The following HCK variants were observed in gnomAD, a reference collection of about 807,000 sequenced individuals.
HCK encodes tyrosine-protein kinase HCK.
HCK carries 40 observed loss-of-function variants against 70.4 expected under a neutral mutation model. The ratio of observed to expected loss-of-function variants is 0.57; its 90% CI spans 0.44 to 0.74. The LOEUF is 0.74. Among genes scored for constraint, HCK ranks in the 30% least tolerant of loss-of-function variants. The pLI is 0.00. For missense variants in HCK, 568 were observed against 697.2 expected (o/e 0.81, Z 2.09); for synonymous variants, 245 against 263.2 (o/e 0.93, Z 0.67).
chr20:32,093,885 T>A lies in HCK; in HGVS notation c.1115T>A (p.Ile372Asn), dbSNP rs1383454556. ...CAGATTGCAGAAGGCATGGCCTTCA[T>A]CGAGCAGAGGAACTACATCCACCGA... is the stretch of plus-strand genomic sequence containing the variant. Residue 372 changes from isoleucine (I) to asparagine (N), a missense_variant, in exon 11 of 13, where the codon ATC becomes AAC. Around this residue, in one of 4 missense-constraint regions of HCK, gnomAD observed 160 missense variants for 237.5 expected, o/e 0.67. Coordinates refer to ENST00000375852, the MANE Select transcript of HCK (RefSeq NM_002110.5). 6.2e-7 allele frequency: 1 copy of A among 1,613,498 alleles called. No individual in the cohort carries two copies. The highest frequency in any genetic ancestry group is 1.1e-5 in the South Asian group (1 of 91,054).
Position 32,079,569 on chromosome 20 carries a change from G to A in HCK, c.429-205G>A, listed in dbSNP as rs573840666. 8.5e-5 allele frequency among the ~76,000 whole-genome samples: 13 copies of A among 152,272 alleles called. 1 individual carries two copies. In the East Asian group the frequency reaches 9.6e-4, roughly 11 times the overall value. On this transcript the variant is annotated intron_variant, in intron 5 of 12. Transcript: ENST00000375852. ...TCTCAGCAAACAGGATTCACTTCGGGTAAAATGTCTATTTTGATATCAAAA... is the reference window on the plus strand; with the variant it reads ...TCTCAGCAAACAGGATTCACTTCGGATAAAATGTCTATTTTGATATCAAAA...
chr20:32,061,676 C>G (rs551394140), intron 1 of HCK, among the ~76,000 whole-genome samples: 14 of 152,114 alleles, frequency 9.2e-5, no homozygotes, highest in Non-Finnish European at 1.5e-4. Flanking sequence ...AGTGATGGAG[C>G]CTTTCTGGGT....
intron 11 of HCK, among the ~76,000 whole-genome samples, chr20:32,096,214 T>C: frequency 6.6e-6 from 1 of 150,458 alleles, no homozygotes; most frequent in East Asian, 2.0e-4. Context: ...AAGAGACGGG[T>C]GCGGCCGGGC....
chr20:32,077,491 TTC>T (rs2045643945), intron 5 of HCK, among the ~76,000 whole-genome samples: 1 of 151,074 alleles, frequency 6.6e-6, no homozygotes, highest in Non-Finnish European at 1.5e-5. Flanking sequence ...CGTTCAGACC[TTC>T]CATGCAGCAC....
At chr20:32,100,038 C>T (rs1274105800) in intron 12 of HCK, among the ~76,000 whole-genome samples, 1 of 151,908 alleles carries the variant, frequency 6.6e-6, no homozygotes, top group Non-Finnish European at 1.5e-5. Context: ...TATCTGGGAC[C>T]ATAGGCACAT....
At chr20:32,092,718 T>C (rs574318857) in intron 10 of HCK, among the ~76,000 whole-genome samples, 20 of 152,186 alleles carry the variant, frequency 1.3e-4, no homozygotes, top group South Asian at 1.0e-3. Context: ...CTCTGTGGCA[T>C]CTTCTGCTGG....
chr20:32,097,829 T>G lies in HCK; in HGVS notation c.1247-1175T>G, dbSNP rs536479719. ...CTCAACAAATTCCAAAGAACATATA[T>G]TCTATAGACCATGTTCACCAACCAT... On this transcript the variant is annotated intron_variant, in intron 11 of 12. Transcript: ENST00000375852. Among the ~76,000 whole-genome samples the G allele has an allele frequency of 3.9e-5, 6 of 152,094 alleles. No individual in the cohort carries two copies. The South Asian group carries it at 1.0e-3, about 26-fold the overall frequency.
In HCK at chr20:32,062,146, G is replaced by A. The variant is rs148834847; in HGVS notation, c.63-9516G>A. Among the ~76,000 whole-genome samples the A allele has an allele frequency of 9.9e-3, 1,510 of 152,074 alleles. 31 individuals are homozygous for A. The highest frequency in any genetic ancestry group is 0.035 in the African/African-American group (1,451 of 41,470). On this transcript the variant is annotated intron_variant, in intron 1 of 12. Coordinates refer to ENST00000375852, the MANE Select transcript of HCK (RefSeq NM_002110.5). The stretch of plus-strand genomic sequence containing the variant: ...GTAGAGATGGGGTTTCACCATGTTG[G>A]TCAGGCTGGTCTCCAACTCCTGACC...
chr20:32,101,732 A>C lies in HCK; in HGVS notation c.*213A>C. On this transcript the variant is annotated 3_prime_UTR_variant, in exon 13 of 13. Coordinates refer to ENST00000375852, the MANE Select transcript of HCK (RefSeq NM_002110.5). ...ATCTGACATTCTCAGGAAGCCCCCAAGTTGATATTTCTATTTCCTGGAATG... is the reference window on the plus strand; with the variant it reads ...ATCTGACATTCTCAGGAAGCCCCCACGTTGATATTTCTATTTCCTGGAATG... 2.2e-6 allele frequency: 1 copy of C among 454,132 alleles called. No individual in the cohort carries two copies. Among genetic ancestry groups the C allele is most frequent in the East Asian group, 3.4e-5 (1 of 29,576 alleles). 28.1% of individuals were successfully genotyped at this position (454,132 alleles called of 1,614,324 possible). A position where few individuals can be genotyped will look rare whatever the true frequency, so the allele number is the denominator to read the frequency against.
At chr20:32,074,958 C>A (rs533293671) in intron 5 of HCK, among the ~76,000 whole-genome samples, 118 of 152,304 alleles carry the variant, frequency 7.7e-4, no homozygotes, top group Non-Finnish European at 1.5e-3. Context: ...CCCTTCTGAA[C>A]ATGTTTTACT....
intron 1 of HCK, among the ~76,000 whole-genome samples, chr20:32,058,260 G>A (rs764274011): frequency 2.6e-5 from 4 of 152,030 alleles, no homozygotes; most frequent in Admixed American, 6.6e-5. Flanking sequence ...GGCTGGGCAC[G>A]GTGGCTCACA....
chr20:32,054,476 A>AC (rs2045235796), intron 1 of HCK, among the ~76,000 whole-genome samples: 1 of 13,934 alleles, frequency 7.2e-5, no homozygotes, highest in Non-Finnish European at 2.2e-4. Context: ...AACTCCACCT[A>AC]AAAAAAAAAA....
intron 7 of HCK, 44 bp from the exon 8 acceptor site, chr20:32,084,347 G>T (rs777358849): frequency 2.0e-5 from 32 of 1,573,022 alleles, no homozygotes; most frequent in Non-Finnish European, 1.6e-5. Context: ...CCTCTGGCTG[G>T]CTCGGTGCTT....
chr20:32,099,201 A>T (rs2045998380), intron 12 of HCK, 66 bp downstream of exon 12: 3 of 1,530,000 alleles, frequency 2.0e-6, no homozygotes, highest in Admixed American at 1.8e-5. Flanking sequence ...TCATCTCAAC[A>T]ACATGTCCAT....
intron 8 of HCK, 54 bp downstream of exon 8, chr20:32,084,597 G>C: frequency 2.0e-6 from 3 of 1,516,216 alleles, no homozygotes; most frequent in African/African-American, 1.4e-5. Flanking sequence ...GGAGAGGGAG[G>C]CCACTTGCTT....
chr20:32,097,734 C>T (rs1465799892), intron 11 of HCK, among the ~76,000 whole-genome samples: 2 of 152,068 alleles, frequency 1.3e-5, no homozygotes, highest in East Asian at 3.8e-4. Context: ...CACACACACA[C>T]TCTCACACAC....
intron 5 of HCK, among the ~76,000 whole-genome samples, chr20:32,078,568 A>G (rs572914210): frequency 1.3e-5 from 2 of 151,942 alleles, no homozygotes; most frequent in Non-Finnish European, 2.9e-5. Flanking sequence ...CATCATCCAT[A>G]AAATGGGGCC....
chr20:32,095,867 ATTTATTTATTTATT>A (rs1187583361), intron 11 of HCK, among the ~76,000 whole-genome samples: 2 of 46,052 alleles, frequency 4.3e-5, no homozygotes, highest in Admixed American at 2.2e-4. Flanking sequence ...ATATTTATTT[ATTTATTTATTTATT>A]TATTTATTTA....
intron 11 of HCK, among the ~76,000 whole-genome samples, chr20:32,094,790 AAAGAAAG>A (rs1430395867): frequency 2.9e-4 from 4 of 13,690 alleles, no homozygotes; most frequent in Non-Finnish European, 4.8e-4. Flanking sequence ...AGAGAAAGAG[AAAGAAAG>A]AAAGAAAGAA....
Sources: allele counts gnomAD v4.1 joint callset (sites outside exome capture counted in the v4.1 genomes callset), GRCh38; gene constraint gnomAD v4.1.1; regional missense constraint gnomAD v4.1.1; transcripts MANE v1.5; gene names NCBI Gene and HGNC (gene_info 2026-07-23, HGNC 2026-07-21).